The following RIMS1 variants were observed in gnomAD, a reference collection of about 807,000 sequenced individuals.
RIMS1 encodes the protein regulating synaptic membrane exocytosis 1.
In RIMS1, 83 loss-of-function variants were observed where a neutral mutation model predicts 214.1. That is an observed-to-expected ratio of 0.39 (90% CI 0.32 to 0.47). The LOEUF (loss-of-function observed/expected upper bound fraction) is 0.47, where lower values mean the gene tolerates loss of function less well. RIMS1 is among the 20% of genes least tolerant of loss of function. RIMS1 has a pLI of 0.99. For synonymous variants in RIMS1, 793 were observed against 786.8 expected, an observed-to-expected ratio of 1.01 and a Z score of -0.13; for missense variants, 2,050 against 2,161.8, an observed-to-expected ratio of 0.95 and a Z score of 1.03.
intron 27 of RIMS1, among the ~76,000 whole-genome samples, chr6:72,312,976 T>C (rs1471707116): frequency 6.6e-6 from 1 of 152,186 alleles, no homozygotes; most frequent in Non-Finnish European, 1.5e-5. Context: ...ATATACATTA[T>C]ATATTTTCCA....
intron 6 of RIMS1, among the ~76,000 whole-genome samples, chr6:72,220,100 G>A (rs2057887534): frequency 1.3e-5 from 2 of 152,034 alleles, no homozygotes; most frequent in South Asian, 4.1e-4. Context: ...TTTTCTCTGA[G>A]TATGGTTTTT....
At chr6:72,077,136 C>T (rs917497118) in intron 2 of RIMS1, among the ~76,000 whole-genome samples, 1 of 152,134 alleles carries the variant, frequency 6.6e-6, no homozygotes, top group African/African-American at 2.4e-5. Flanking sequence ...GAGTGGAAGG[C>T]GTGTTTCTCC....
At chr6:71,929,953 A>C (rs189477289) in intron 1 of RIMS1, among the ~76,000 whole-genome samples, 4 of 152,152 alleles carry the variant, frequency 2.6e-5, no homozygotes, top group African/African-American at 9.6e-5. Flanking sequence ...TTGAGGAAAT[A>C]ATGAGTAATA....
chr6:72,245,870 A>G lies in RIMS1; in HGVS notation c.2128+9A>G. ...CCCTCCACTGGAGTCCAGTGAGTAT[A>G]AGGTTTCTTTGTTATTATAAAAGTA... On this transcript the variant is annotated intron_variant, in intron 11 of 33. Transcript: ENST00000521978. 1 of 1,575,060 alleles carries G rather than the reference A, an allele frequency of 6.3e-7. No individual in the cohort carries two copies. The highest frequency in any genetic ancestry group is 1.7e-4 in the Middle Eastern group (1 of 5,976).
At chr6:72,209,022 T>G (rs897061907) in intron 6 of RIMS1, among the ~76,000 whole-genome samples, 1 of 152,154 alleles carries the variant, frequency 6.6e-6, no homozygotes, top group East Asian at 1.9e-4. Flanking sequence ...CCAGTTCTCA[T>G]TGAAGATCTC....
chr6:72,093,228 A>ATATATACATATATATATATATATATATAT (rs200655727), intron 2 of RIMS1, among the ~76,000 whole-genome samples: 1 of 136,964 alleles, frequency 7.3e-6, no homozygotes, highest in Admixed American at 7.7e-5. Context: ...ATATATATAT[A>ATATATACATATATATATATATATATATAT]AAAACATGTG....
intron 27 of RIMS1, among the ~76,000 whole-genome samples, chr6:72,310,361 A>G (rs1194709024): frequency 6.6e-6 from 1 of 152,056 alleles, no homozygotes; most frequent in Non-Finnish European, 1.5e-5. Flanking sequence ...GAAAAAGCAC[A>G]ACAATGCTGT....
intron 24 of RIMS1, among the ~76,000 whole-genome samples, chr6:72,290,024 G>A (rs2093092195): frequency 6.6e-6 from 1 of 151,932 alleles, no homozygotes; most frequent in South Asian, 2.1e-4. Context: ...TACATTTTCA[G>A]GTATTGTTAT....
At chr6:72,334,925 T>A (rs897321498) in intron 29 of RIMS1, among the ~76,000 whole-genome samples, 7 of 151,952 alleles carry the variant, frequency 4.6e-5, no homozygotes, top group Non-Finnish European at 4.4e-5. Flanking sequence ...GCTGTTCTAT[T>A]TGTTATGAAG....
At chr6:72,209,339 G>T (rs2053441078) in intron 6 of RIMS1, among the ~76,000 whole-genome samples, 1 of 152,080 alleles carries the variant, frequency 6.6e-6, no homozygotes, top group Non-Finnish European at 1.5e-5. Flanking sequence ...GATATAAGAG[G>T]CATTGAAGCC....
intron 4 of RIMS1, among the ~76,000 whole-genome samples, chr6:72,107,848 C>T (rs1235385905): frequency 6.6e-6 from 1 of 152,100 alleles, no homozygotes; most frequent in Non-Finnish European, 1.5e-5. Context: ...TGCAGTAAAT[C>T]ATTCTTAGAA....
chr6:72,000,836 C>T lies in RIMS1; in HGVS notation c.245+31773C>T, dbSNP rs1356741717. Among the ~76,000 whole-genome samples, 8 of 152,212 alleles carry T rather than the reference C, an allele frequency of 5.3e-5. No individual in the cohort carries two copies. In the East Asian group the frequency reaches 1.5e-3, roughly 29 times the overall value. ...TCTCATTACTTTTACAGCTATTAAC[C>T]TTCCCACATCCTCCTCAATAATCCT... On this transcript the variant is annotated intron_variant, in intron 2 of 33. Coordinates refer to ENST00000521978, the MANE Select transcript of RIMS1 (RefSeq NM_014989.7).
intron 6 of RIMS1, among the ~76,000 whole-genome samples, chr6:72,225,846 C>A (rs887669754): frequency 1.3e-5 from 2 of 152,094 alleles, no homozygotes; most frequent in African/African-American, 2.4e-5. Context: ...CTAAGATTGT[C>A]AATTTTGTGA....
At chr6:71,943,002 GTCAAAATATATTATAACTT>G (rs1786650143) in intron 1 of RIMS1, among the ~76,000 whole-genome samples, 1 of 152,000 alleles carries the variant, frequency 6.6e-6, no homozygotes, top group Non-Finnish European at 1.5e-5. Context: ...TAAGATGTAA[GTCAAAATATATTATAACTT>G]GTATTTTAAA....
intron 2 of RIMS1, among the ~76,000 whole-genome samples, chr6:71,988,169 A>G (rs1480820064): frequency 6.6e-6 from 1 of 152,126 alleles, no homozygotes; most frequent in Non-Finnish European, 1.5e-5. Flanking sequence ...CTGTAGCAGC[A>G]AATCTAAATT....
chr6:72,172,629 A>G (rs2047181920), intron 4 of RIMS1, among the ~76,000 whole-genome samples: 1 of 152,198 alleles, frequency 6.6e-6, no homozygotes, highest in Non-Finnish European at 1.5e-5. Context: ...CCAAGCAATG[A>G]ATTTAGATTA....
intron 22 of RIMS1, among the ~76,000 whole-genome samples, chr6:72,272,207 AAT>A: frequency 6.6e-6 from 1 of 152,328 alleles, no homozygotes; most frequent in Admixed American, 6.5e-5. Context: ...TATATTTCTC[AAT>A]AACCAGAGTT....
intron 29 of RIMS1, among the ~76,000 whole-genome samples, chr6:72,360,865 G>A (rs890591526): frequency 2.0e-5 from 3 of 149,618 alleles, no homozygotes; most frequent in Admixed American, 6.6e-5. Context: ...TTTTCCATAG[G>A]TGAGAACATA....
intron 4 of RIMS1, among the ~76,000 whole-genome samples, chr6:72,153,018 G>C (rs12213576): frequency 4.2e-3 from 2 of 480 alleles, no homozygotes; most frequent in African/African-American, 4.7e-3. Context: ...GTATATATAT[G>C]TGTGTGTGTA....
Sources: gnomAD v4.1 joint callset for allele counts (sites outside exome capture counted in the v4.1 genomes callset) on GRCh38, gnomAD v4.1.1 for gene constraint, MANE v1.5 for transcripts, NCBI Gene and HGNC (gene_info 2026-07-23, HGNC 2026-07-21) for gene names.